The following CADM2 variants were observed in gnomAD, a reference collection of about 807,000 sequenced individuals.
CADM2 encodes immunoglobulin superfamily member 4D.
A neutral mutation model predicts 49.8 loss-of-function variants in CADM2; 12 were observed. That is an observed-to-expected ratio of 0.24 (90% CI 0.15 to 0.39). The LOEUF is 0.39. Among genes scored for constraint, CADM2 ranks in the 10% least tolerant of loss-of-function variants. The pLI is 1.00. For missense variants in CADM2, 378 were observed against 492.3 expected (o/e 0.77, Z 2.20); for synonymous variants, 214 against 175.4 (o/e 1.22, Z -1.74).
rs1259075912 is a variant in CADM2 at position 85,683,934 on chromosome 3, G to A, written c.62-42588G>A. Among the ~76,000 whole-genome samples, 6 of 152,098 alleles carry A rather than the reference G, an allele frequency of 3.9e-5. No homozygotes were observed. In the East Asian group the frequency reaches 1.2e-3, roughly 29 times the overall value. ...AAATATTAGTAGGTCAAATTGTGAT[G>A]CCTCTGTGTGTGTTTATGTGTCTGT... is the stretch of plus-strand genomic sequence containing the variant. On this transcript the variant is annotated intron_variant, in intron 1 of 9. Transcript: ENST00000383699.
At chr3:85,587,180 A>G (rs1243795531) in intron 1 of CADM2, among the ~76,000 whole-genome samples, 1 of 152,084 alleles carries the variant, frequency 6.6e-6, no homozygotes. Flanking sequence ...CCTGGCAGGA[A>G]CTGAATGGGT....
intron 3 of CADM2, among the ~76,000 whole-genome samples, chr3:85,811,040 C>T (rs1461984524): frequency 6.6e-6 from 1 of 152,122 alleles, no homozygotes; most frequent in South Asian, 2.1e-4. Context: ...TGAATAACAA[C>T]ATGTTAAGCT....
intron 8 of CADM2, among the ~76,000 whole-genome samples, chr3:86,055,350 G>A (rs1479875658): frequency 6.7e-6 from 1 of 149,828 alleles, no homozygotes; most frequent in African/African-American, 2.4e-5. Flanking sequence ...CAGATTCAAT[G>A]TTTGGTGAGG....
chr3:85,918,848 A>T (rs1718730387), intron 6 of CADM2, among the ~76,000 whole-genome samples: 1 of 152,084 alleles, frequency 6.6e-6, no homozygotes, highest in African/African-American at 2.4e-5. Flanking sequence ...ATAACTTTTT[A>T]TTTGTGAGTT....
intron 1 of CADM2, among the ~76,000 whole-genome samples, chr3:84,970,151 G>A (rs567304605): frequency 4.0e-5 from 6 of 149,554 alleles, no homozygotes; most frequent in African/African-American, 1.5e-4. Context: ...AACTGGAAGA[G>A]ATTCTGTCAG....
chr3:85,083,813 A>C (rs2037265590), intron 1 of CADM2, among the ~76,000 whole-genome samples: 1 of 152,132 alleles, frequency 6.6e-6, no homozygotes, highest in Non-Finnish European at 1.5e-5. Flanking sequence ...GTAAACACAA[A>C]CTGCCACAGA....
chr3:85,983,068 C>CT (rs1324790771), intron 8 of CADM2, among the ~76,000 whole-genome samples: 1 of 151,658 alleles, frequency 6.6e-6, no homozygotes, highest in African/African-American at 2.4e-5. Flanking sequence ...ACAACTCCTG[C>CT]TATTGCTGGA....
At chr3:85,768,388 G>C (rs913804981) in intron 2 of CADM2, among the ~76,000 whole-genome samples, 1 of 151,654 alleles carries the variant, frequency 6.6e-6, no homozygotes, top group Non-Finnish European at 1.5e-5. Context: ...AGAGGTTGCA[G>C]TGATCCCAGA....
chr3:86,055,047 T>G (rs9855835), intron 8 of CADM2, among the ~76,000 whole-genome samples: 42,827 of 151,968 alleles, frequency 0.28, 7,247 homozygotes, highest in African/African-American at 0.48. Flanking sequence ...AATTTATATA[T>G]ATCACATAAA....
intron 1 of CADM2, among the ~76,000 whole-genome samples, chr3:85,436,016 CTTTAG>C (rs1167482990): frequency 1.3e-5 from 2 of 152,052 alleles, no homozygotes; most frequent in African/African-American, 4.8e-5. Context: ...TTCAGAAACT[CTTTAG>C]TTTAATTAGA....
Position 85,970,892 on chromosome 3 carries a change from A to G in CADM2, c.970+9245A>G, listed in dbSNP as rs532177371. On this transcript the variant is annotated intron_variant, in intron 8 of 9. Transcript: ENST00000383699. Reference sequence around the variant, plus strand: ...GGGTAAGTTACATGGTGATAAATCTATAGAGTAACATAAAAATATAACCTA... The same window carrying G: ...GGGTAAGTTACATGGTGATAAATCTGTAGAGTAACATAAAAATATAACCTA... Among the ~76,000 whole-genome samples the G allele has an allele frequency of 9.2e-5, 14 of 151,660 alleles. No individual in the cohort carries two copies. In the South Asian group the frequency reaches 2.3e-3, roughly 25 times the overall value.
At chr3:85,036,997 GAAAAAAAAAA>G (rs10566030) in intron 1 of CADM2, among the ~76,000 whole-genome samples, 2 of 77,998 alleles carry the variant, frequency 2.6e-5, no homozygotes, top group African/African-American at 5.2e-5. Flanking sequence ...ACTAAAAATA[GAAAAAAAAAA>G]AAAAAAAAAA....
chr3:85,449,279 G>T (rs2107563628), intron 1 of CADM2, among the ~76,000 whole-genome samples: 1 of 151,666 alleles, frequency 6.6e-6, no homozygotes, highest in Admixed American at 6.6e-5. Context: ...ATTGGTCTAT[G>T]GGGTCTAGAT....
At chr3:86,014,070 G>T (rs141202482) in intron 8 of CADM2, 10 of 1,289,820 alleles carry the variant, frequency 7.8e-6, no homozygotes, top group Non-Finnish European at 1.1e-5. Context: ...TTTTCACAAC[G>T]GTTAAGAAAG....
At chr3:85,049,544 C>A (rs927145401) in intron 1 of CADM2, among the ~76,000 whole-genome samples, 1 of 151,632 alleles carries the variant, frequency 6.6e-6, no homozygotes, top group African/African-American at 2.4e-5. Context: ...TAGAGACGGG[C>A]TTTCACTATG....
intron 1 of CADM2, among the ~76,000 whole-genome samples, chr3:85,480,778 A>G (rs2039177211): frequency 1.3e-5 from 2 of 151,834 alleles, no homozygotes; most frequent in Admixed American, 6.6e-5. Context: ...TTTCAGTTAT[A>G]TGATGAACAA....
chr3:85,147,207 G>A (rs1419336555), intron 1 of CADM2, among the ~76,000 whole-genome samples: 3 of 149,754 alleles, frequency 2.0e-5, no homozygotes, highest in African/African-American at 4.9e-5. Context: ...CCCGGGAGGC[G>A]GAGCTTGCGG....
At chr3:85,925,279 T>G (rs2108512517) in intron 6 of CADM2, among the ~76,000 whole-genome samples, 1 of 152,312 alleles carries the variant, frequency 6.6e-6, no homozygotes, top group South Asian at 2.1e-4. Context: ...GTTGCTATTT[T>G]TGCAGATGTA....
intron 1 of CADM2, among the ~76,000 whole-genome samples, chr3:85,586,341 A>C (rs1007400003): frequency 1.3e-5 from 2 of 152,096 alleles, no homozygotes; most frequent in African/African-American, 4.8e-5. Flanking sequence ...AGCCTCCTTA[A>C]AACAAAACAA....
Sources: allele counts gnomAD v4.1 joint callset (sites outside exome capture counted in the v4.1 genomes callset), GRCh38; gene constraint gnomAD v4.1.1; transcripts MANE v1.5; gene names NCBI Gene and HGNC (gene_info 2026-07-23, HGNC 2026-07-21).